PTGES3: variants seen among roughly 807,000 people sequenced by gnomAD.
The protein encoded by PTGES3 is Hsp90 co-chaperone.
Under a neutral mutation model 29.9 loss-of-function variants are expected in PTGES3, and 5 were observed. The observed-to-expected ratio is 0.17, with a 90% CI of 0.09 to 0.35. The LOEUF (loss-of-function observed/expected upper bound fraction) is 0.35, where lower values mean the gene tolerates loss of function less well. Among genes scored for constraint, PTGES3 ranks in the 10% least tolerant of loss-of-function variants. The pLI, the probability that PTGES3 is intolerant of heterozygous loss-of-function variation, is 1.00. For missense variants in PTGES3, 128 were observed against 190.0 expected (o/e 0.67, Z 1.92); for synonymous variants, 49 against 57.8 (o/e 0.85, Z 0.69).
At chr12:56,665,199 G>C in intron 6 of PTGES3, 2 of 985,322 alleles carry the variant, frequency 2.0e-6, no homozygotes, top group Non-Finnish European at 2.4e-6. Context: ...AACTTTCTGG[G>C]AGATGTTAAC....
chr12:56,687,971 C>G (rs1388761476), intron 1 of PTGES3, 27 bp downstream of exon 1: 2 of 1,601,980 alleles, frequency 1.2e-6, no homozygotes, highest in Admixed American at 1.7e-5. Context: ...ACTCGGCGAC[C>G]TTCCCTCGGC....
chr12:56,668,579 ATGG>A (rs1951873322), intron 5 of PTGES3, among the ~76,000 whole-genome samples: 1 of 152,192 alleles, frequency 6.6e-6, no homozygotes, highest in Admixed American at 6.5e-5. Context: ...AGCTAGGTAA[ATGG>A]TGGCACCGAT....
chr12:56,664,730 TGATGCAAAG>T, intron 7 of PTGES3, 37 bp downstream of exon 7: 1 of 1,560,334 alleles, frequency 6.4e-7, no homozygotes, highest in Admixed American at 2.0e-5. Context: ...GTTTGTTTTT[TGATGCAAAG>T]TATCACTGTA....
chr12:56,677,214 G>C (rs1204401796), intron 1 of PTGES3, among the ~76,000 whole-genome samples: 1 of 151,362 alleles, frequency 6.6e-6, no homozygotes, highest in African/African-American at 2.4e-5. Flanking sequence ...ACTCTAGCCT[G>C]GGCGACAGAG....
chr12:56,665,917 G>A (rs997368072), intron 6 of PTGES3: 7 of 1,033,526 alleles, frequency 6.8e-6, no homozygotes, highest in South Asian at 3.7e-5. Context: ...CACCTCGCCC[G>A]GCCTAAACTG....
chr12:56,671,491 G>C (rs1448964503), intron 4 of PTGES3, among the ~76,000 whole-genome samples: 2 of 152,146 alleles, frequency 1.3e-5, no homozygotes, highest in Non-Finnish European at 2.9e-5. Context: ...TTTTCACCAA[G>C]CTTTGTCCCC....
intron 5 of PTGES3, 38 bp downstream of exon 5, chr12:56,670,237 T>G: frequency 7.3e-7 from 1 of 1,361,866 alleles, no homozygotes; most frequent in Non-Finnish European, 1.1e-6. Flanking sequence ...AGGTACCGTG[T>G]GCTTCGAATG....
At chr12:56,684,954 G>A (rs1362814340) in intron 1 of PTGES3, among the ~76,000 whole-genome samples, 1 of 151,998 alleles carries the variant, frequency 6.6e-6, no homozygotes, top group Non-Finnish European at 1.5e-5. Context: ...TCTCTCCCCA[G>A]AGCTTAAAAA....
chr12:56,666,556 G>A (rs546971658), intron 5 of PTGES3, among the ~76,000 whole-genome samples: 23 of 152,264 alleles, frequency 1.5e-4, no homozygotes, highest in African/African-American at 5.1e-4. Context: ...TACCTCTGGT[G>A]GTTAAGGAAA....
chr12:56,684,387 G>A (rs1247085356), intron 1 of PTGES3, among the ~76,000 whole-genome samples: 6 of 152,168 alleles, frequency 3.9e-5, no homozygotes, highest in African/African-American at 9.7e-5. Flanking sequence ...CAGTGCACAG[G>A]AAATCAATAC....
chr12:56,686,332 G>A (rs529490106), intron 1 of PTGES3, among the ~76,000 whole-genome samples: 1 of 151,946 alleles, frequency 6.6e-6, no homozygotes, highest in Admixed American at 6.6e-5. Flanking sequence ...ACTTAGGAGA[G>A]CTTTCAAATA....
At chr12:56,678,674 T>C (rs539872366) in intron 1 of PTGES3, among the ~76,000 whole-genome samples, 2 of 152,324 alleles carry the variant, frequency 1.3e-5, no homozygotes, top group Admixed American at 1.3e-4. Context: ...AAAATTATGG[T>C]ATTTAGGAAC....
intron 1 of PTGES3, 49 bp downstream of exon 1, chr12:56,687,949 G>C: frequency 6.2e-7 from 1 of 1,603,300 alleles, no homozygotes; most frequent in Non-Finnish European, 8.5e-7. Flanking sequence ...CCCCCAACGC[G>C]GCCTCGGCCT....
At chr12:56,676,012 G>A (rs1952222458) in intron 1 of PTGES3, among the ~76,000 whole-genome samples, 1 of 151,932 alleles carries the variant, frequency 6.6e-6, no homozygotes, top group South Asian at 2.1e-4. Context: ...GGATCACCTG[G>A]GGCTGGGAGT....
chr12:56,668,008 T>C (rs1951852277), intron 5 of PTGES3, among the ~76,000 whole-genome samples: 1 of 152,196 alleles, frequency 6.6e-6, no homozygotes, highest in South Asian at 2.1e-4. Flanking sequence ...CTTGGGAGGC[T>C]GAGGCAGGAG....
intron 1 of PTGES3, among the ~76,000 whole-genome samples, chr12:56,685,389 T>TTTTTC (rs371687687): frequency 8.5e-5 from 11 of 129,018 alleles, no homozygotes; most frequent in East Asian, 2.4e-4. Flanking sequence ...AAGGTAGCAT[T>TTTTTC]TTTTCTTTTC....
intron 1 of PTGES3, among the ~76,000 whole-genome samples, chr12:56,673,317 T>G (rs566662445): frequency 1.3e-5 from 2 of 151,748 alleles, no homozygotes; most frequent in South Asian, 4.2e-4. Flanking sequence ...AGTTAGCCGT[T>G]TATCTAGTCC....
chr12:56,664,586 G>T, intron 7 of PTGES3, 88 bp from the exon 8 acceptor site: 1 of 1,440,800 alleles, frequency 6.9e-7, no homozygotes, highest in South Asian at 1.3e-5. Context: ...ACCAAAAATC[G>T]AAATACATAG....
chr12:56,670,064 A>G (rs1404778891), intron 5 of PTGES3, among the ~76,000 whole-genome samples: 1 of 152,144 alleles, frequency 6.6e-6, no homozygotes. Context: ...TTTGTAGCTA[A>G]CACTAATTCC....
Sources: allele counts gnomAD v4.1 joint callset (sites outside exome capture counted in the v4.1 genomes callset), GRCh38; gene constraint gnomAD v4.1.1; transcripts MANE v1.5; gene names NCBI Gene and HGNC (gene_info 2026-07-23, HGNC 2026-07-21).